ADORA2B: variants seen among roughly 807,000 people sequenced by gnomAD.
The protein encoded by ADORA2B is adenosine A2b receptor, also known as adenosine receptor A2b.
A neutral mutation model predicts 20.8 loss-of-function variants in ADORA2B; 18 were observed. The ratio of observed to expected loss-of-function variants is 0.87; its 90% confidence interval spans 0.60 to 1.29. The LOEUF (loss-of-function observed/expected upper bound fraction) is 1.29, where lower values mean the gene tolerates loss of function less well. ADORA2B is among the 50% of genes most tolerant of loss of function. ADORA2B has a pLI of 0.00. For missense variants in ADORA2B, 441 were observed against 422.7 expected (o/e 1.04, Z -0.38); for synonymous variants, 179 against 178.3 (o/e 1.00, Z -0.03).
At chr17:15,876,688 A>G in the ADORA2B span, among the ~76,000 whole-genome samples, 10 of 151,938 alleles carry the variant, frequency 6.6e-5, no homozygotes, top group African/African-American at 2.2e-4. Flanking sequence ...TAATCTTCCA[A>G]ATTCTATTAA....
At position 15,968,888 on chromosome 17, in the gene ADORA2B, G is replaced by C. The variant is rs114258918; in HGVS notation, c.336-5791G>C. ...GTGCCATGGATGTGTCCGGACAGCT[G>C]GGGGAGGGTGTGCAGGCATCTGTCA... On this transcript the variant is annotated intron_variant, in intron 1 of 1. Coordinates refer to ENST00000304222, the MANE Select transcript of ADORA2B (RefSeq NM_000676.4). Among the ~76,000 whole-genome samples, 692 of 152,266 alleles carry C rather than the reference G, an allele frequency of 4.5e-3. 4 individuals are homozygous for C. Among genetic ancestry groups the C allele is most frequent in the African/African-American group, 0.016 (659 of 41,546 alleles).
chr17:15,883,866 C>T, the ADORA2B span, among the ~76,000 whole-genome samples: 1 of 152,186 alleles, frequency 6.6e-6, no homozygotes, highest in Admixed American at 6.5e-5. Context: ...GATGAACCTG[C>T]ATGTGTCATC....
At chr17:15,928,411 C>A in the ADORA2B span, among the ~76,000 whole-genome samples, 7 of 151,674 alleles carry the variant, frequency 4.6e-5, no homozygotes, top group African/African-American at 7.3e-5. Context: ...GTGCGGATGC[C>A]AGGGAGACGG....
the ADORA2B span, among the ~76,000 whole-genome samples, chr17:15,902,571 A>T: frequency 6.6e-6 from 1 of 152,160 alleles, no homozygotes; most frequent in African/African-American, 2.4e-5. Flanking sequence ...TCATCCATTT[A>T]TCATCAGCCA....
the ADORA2B span, among the ~76,000 whole-genome samples, chr17:15,898,356 C>A: frequency 6.6e-6 from 1 of 151,890 alleles, no homozygotes; most frequent in African/African-American, 2.4e-5. Context: ...TGCAATGGCG[C>A]GATCTCGGCT....
intron 1 of ADORA2B, among the ~76,000 whole-genome samples, chr17:15,965,564 G>A (rs1344262532): frequency 6.6e-6 from 1 of 152,250 alleles, no homozygotes; most frequent in Non-Finnish European, 1.5e-5. Context: ...CCAGGGGAAG[G>A]ATGTTGGTAT....
chr17:15,971,832 C>T (rs1454342691), intron 1 of ADORA2B, among the ~76,000 whole-genome samples: 2 of 151,980 alleles, frequency 1.3e-5, no homozygotes, highest in South Asian at 2.1e-4. Flanking sequence ...GGGGTTTCAC[C>T]GTGTTGGCCA....
the ADORA2B span, among the ~76,000 whole-genome samples, chr17:15,924,719 G>A: frequency 0.064 from 9,557 of 149,004 alleles, 408 homozygotes; most frequent in Middle Eastern, 0.1. Flanking sequence ...AAGGCTGGGC[G>A]ACAGAGCGAG....
At chr17:15,912,164 G>A in the ADORA2B span, among the ~76,000 whole-genome samples, 30,122 of 148,832 alleles carry the variant, frequency 0.2, 3,594 homozygotes, top group Non-Finnish European at 0.27. Flanking sequence ...GCAGTGAGCC[G>A]AGATTGCACC....
chr17:15,878,184 TACACACACACACAC>T, the ADORA2B span, among the ~76,000 whole-genome samples: 11,574 of 143,880 alleles, frequency 0.08, 1,255 homozygotes, highest in African/African-American at 0.24. Context: ...TGTGTGTGTA[TACACACACACACAC>T]ACACACACAC....
the ADORA2B span, among the ~76,000 whole-genome samples, chr17:15,899,538 C>A: frequency 2.0e-5 from 3 of 152,126 alleles, no homozygotes; most frequent in Non-Finnish European, 4.4e-5. Flanking sequence ...TATGATTGAT[C>A]TTCTTACCCA....
rs567794031 is a variant in ADORA2B at position 15,975,511 on chromosome 17, T to C, written c.*169T>C. The C allele has an allele frequency of 1.9e-4, 125 of 645,204 alleles. No individual in the cohort carries two copies. The highest frequency in any genetic ancestry group is 3.1e-4 in the Non-Finnish European group (116 of 378,430). The allele number at this position is 645,204 out of a possible 1,614,324, so 40.0% of individuals were successfully genotyped here. A position where few individuals can be genotyped will look rare whatever the true frequency, so the allele number is the denominator to read the frequency against. On this transcript the variant is annotated 3_prime_UTR_variant, in exon 2 of 2. Transcript: ENST00000304222. Reference sequence around the variant, plus strand: ...CTAGCTAATATGTATGTGTCAGTAGTAGGCTCCAAGGATTGACAAATATAT... The same window carrying C: ...CTAGCTAATATGTATGTGTCAGTAGCAGGCTCCAAGGATTGACAAATATAT...
At chr17:15,855,432 A>G in the ADORA2B span, among the ~76,000 whole-genome samples, 1 of 152,194 alleles carries the variant, frequency 6.6e-6, no homozygotes, top group Non-Finnish European at 1.5e-5. Flanking sequence ...AAAAAGGTAG[A>G]TAGAGAATGA....
the ADORA2B span, among the ~76,000 whole-genome samples, chr17:15,898,528 A>G: frequency 2.2e-4 from 32 of 147,700 alleles, 1 homozygote; most frequent in Admixed American, 8.9e-4. Flanking sequence ...ACTACCACAC[A>G]TGGCTAATTT....
At chr17:15,941,337 T>G (rs1969743139), upstream of ADORA2B, among the ~76,000 whole-genome samples, 1 of 152,172 alleles carries the variant, frequency 6.6e-6, no homozygotes, top group Admixed American at 6.5e-5. Context: ...TTAGAAAGAT[T>G]AATTGACTTG....
At chr17:15,904,582 T>C in the ADORA2B span, among the ~76,000 whole-genome samples, 1 of 151,742 alleles carries the variant, frequency 6.6e-6, no homozygotes, top group Non-Finnish European at 1.5e-5. Context: ...AGATGGGGTT[T>C]CACCTTGTTA....
chr17:15,887,876 G>A, the ADORA2B span, among the ~76,000 whole-genome samples: 3 of 107,894 alleles, frequency 2.8e-5, no homozygotes, highest in East Asian at 2.5e-4. Flanking sequence ...GCATGAACCC[G>A]GGAGGCGGAG....
At chr17:15,852,823 A>T in the ADORA2B span, among the ~76,000 whole-genome samples, 2 of 152,200 alleles carry the variant, frequency 1.3e-5, no homozygotes, top group Non-Finnish European at 1.5e-5. Flanking sequence ...AAGCGCAGAG[A>T]AAACAAAGAA....
chr17:15,925,259 C>T, the ADORA2B span, among the ~76,000 whole-genome samples: 1 of 152,130 alleles, frequency 6.6e-6, no homozygotes, highest in Non-Finnish European at 1.5e-5. Context: ...TGGTCTTGAA[C>T]TCCTGACCTC....
Sources: allele counts gnomAD v4.1 joint callset (sites outside exome capture counted in the v4.1 genomes callset), GRCh38; gene constraint gnomAD v4.1.1; transcripts MANE v1.5; gene names NCBI Gene and HGNC (gene_info 2026-07-23, HGNC 2026-07-21).